Variants in NEDD4 observed in about 807,000 individuals in gnomAD.
NEDD4 encodes the protein NEDD4 E3 ubiquitin protein ligase, also known as E3 ubiquitin-protein ligase NEDD4.
NEDD4 carries 99 observed loss-of-function variants against 144.9 expected under a neutral mutation model. That is an observed-to-expected ratio of 0.68 (90% CI 0.58 to 0.81). The LOEUF is 0.81. Among genes scored for constraint, NEDD4 ranks in the 30% least tolerant of loss-of-function variants. The pLI, the probability that NEDD4 is intolerant of heterozygous loss-of-function variation, is 0.00. For synonymous variants in NEDD4, 318 were observed against 350.6 expected (o/e 0.91, Z 1.04); for missense variants, 985 against 1,065.9 (o/e 0.92, Z 1.06).
chr15:55,849,191 G>T (rs2033877478), intron 14 of NEDD4, among the ~76,000 whole-genome samples: 1 of 152,118 alleles, frequency 6.6e-6, no homozygotes. Flanking sequence ...AAAAACTGGT[G>T]AAAGAGTAGG....
chr15:55,856,754 C>A (rs1299717561), intron 11 of NEDD4, among the ~76,000 whole-genome samples: 1 of 152,178 alleles, frequency 6.6e-6, no homozygotes, highest in Non-Finnish European at 1.5e-5. Context: ...CGCAATCTAC[C>A]CCCTGGACAT....
At chr15:55,848,222 T>C in intron 17 of NEDD4, 150 bp downstream of exon 17, 1 of 746,130 alleles carries the variant, frequency 1.3e-6, no homozygotes, top group Non-Finnish European at 2.3e-6. Context: ...TTCAAATAAC[T>C]GAGACTTGGA....
chr15:55,886,446 C>T (rs1281662128), intron 5 of NEDD4, among the ~76,000 whole-genome samples: 1 of 152,116 alleles, frequency 6.6e-6, no homozygotes, highest in Admixed American at 6.5e-5. Flanking sequence ...TTTATTAGGC[C>T]ACAAAATAAG....
At chr15:55,974,125 A>C (rs1202523873) in intron 1 of NEDD4, among the ~76,000 whole-genome samples, 2 of 152,210 alleles carry the variant, frequency 1.3e-5, no homozygotes, top group Non-Finnish European at 2.9e-5. Flanking sequence ...GGATCATTAG[A>C]GACTACTGCG....
intron 5 of NEDD4, among the ~76,000 whole-genome samples, chr15:55,882,886 G>A (rs1419820184): frequency 6.6e-6 from 1 of 152,222 alleles, no homozygotes; most frequent in Non-Finnish European, 1.5e-5. Context: ...ATAATCAGCA[G>A]CAGTAACCAG....
At chr15:55,858,571 T>C (rs2142027409) in intron 11 of NEDD4, among the ~76,000 whole-genome samples, 1 of 152,172 alleles carries the variant, frequency 6.6e-6, no homozygotes, top group Admixed American at 6.5e-5. Context: ...CCTCCCAAAG[T>C]GCTGGGATTA....
At chr15:55,895,694 T>C (rs62043807) in intron 5 of NEDD4, among the ~76,000 whole-genome samples, 21,741 of 152,128 alleles carry the variant, frequency 0.14, 1,699 homozygotes, top group East Asian at 0.36. Context: ...TCTTGGGTGA[T>C]ACTAATGCAT....
intron 12 of NEDD4, 108 bp downstream of exon 12, chr15:55,856,023 C>T (rs2034179537): frequency 3.5e-6 from 3 of 853,444 alleles, no homozygotes; most frequent in Non-Finnish European, 3.8e-6. Flanking sequence ...ACATTCTGTG[C>T]TGTATTGGCT....
intron 18 of NEDD4, among the ~76,000 whole-genome samples, chr15:55,843,440 G>A (rs546867986): frequency 3.9e-4 from 60 of 152,286 alleles, no homozygotes; most frequent in African/African-American, 1.3e-3. Flanking sequence ...TCTTTTGTAC[G>A]TTCTTTGCTT....
At chr15:55,909,859 G>A (rs1260284500) in intron 5 of NEDD4, among the ~76,000 whole-genome samples, 1 of 152,178 alleles carries the variant, frequency 6.6e-6, no homozygotes, top group Admixed American at 6.5e-5. Flanking sequence ...CTACATGGAA[G>A]CTCTATTTTG....
At chr15:55,910,977 A>C (rs2036253261) in intron 5 of NEDD4, among the ~76,000 whole-genome samples, 2 of 152,172 alleles carry the variant, frequency 1.3e-5, no homozygotes, top group African/African-American at 2.4e-5. Flanking sequence ...TGTCTTCAGC[A>C]TGAAGCACCA....
At chr15:55,926,456 A>T (rs1301702222) in intron 4 of NEDD4, among the ~76,000 whole-genome samples, 2 of 152,178 alleles carry the variant, frequency 1.3e-5, no homozygotes, top group African/African-American at 4.8e-5. Context: ...ATAAGGCTAG[A>T]CAACATGGGG....
intron 6 of NEDD4, among the ~76,000 whole-genome samples, chr15:55,873,750 A>G (rs1199629876): frequency 6.6e-6 from 1 of 152,160 alleles, no homozygotes; most frequent in Non-Finnish European, 1.5e-5. Flanking sequence ...GAAATTCTCT[A>G]TTTCTCACTG....
At chr15:55,942,462 T>C (rs1818583859) in intron 4 of NEDD4, among the ~76,000 whole-genome samples, 2 of 152,202 alleles carry the variant, frequency 1.3e-5, no homozygotes, top group African/African-American at 2.4e-5. Flanking sequence ...GCTCTGGTGA[T>C]AGTAAGCGAC....
chr15:55,926,105 G>GT, intron 4 of NEDD4, among the ~76,000 whole-genome samples: 1 of 151,710 alleles, frequency 6.6e-6, no homozygotes, highest in African/African-American at 2.4e-5. Flanking sequence ...ACATGTATAT[G>GT]ATACATACGT....
chr15:55,915,431 G>A, intron 5 of NEDD4: 1 of 1,613,794 alleles, frequency 6.2e-7, no homozygotes, highest in Non-Finnish European at 8.5e-7. Flanking sequence ...TGGATAGACA[G>A]GAAATATTTG....
At chr15:55,847,172 C>T (rs1021895060) in intron 17 of NEDD4, 138 bp from the exon 18 acceptor site, 3 of 484,476 alleles carry the variant, frequency 6.2e-6, no homozygotes, top group Non-Finnish European at 1.1e-5. Flanking sequence ...AGAAGAAAAA[C>T]AAATACAAAA....
At chr15:55,924,401 G>A in intron 5 of NEDD4, 1 of 415,256 alleles carries the variant, frequency 2.4e-6, no homozygotes, top group Non-Finnish European at 4.4e-6. Context: ...CCTGTCACAA[G>A]AGGTCTTGAG....
chr15:55,900,350 A>C (rs2035874729), intron 5 of NEDD4, among the ~76,000 whole-genome samples: 1 of 152,214 alleles, frequency 6.6e-6, no homozygotes, highest in Non-Finnish European at 1.5e-5. Context: ...TTATGAGAAG[A>C]GAAGAGCTAA....
Sources: allele counts gnomAD v4.1 joint callset (sites outside exome capture counted in the v4.1 genomes callset), GRCh38; gene constraint gnomAD v4.1.1; transcripts MANE v1.5; gene names NCBI Gene and HGNC (gene_info 2026-07-23, HGNC 2026-07-21).